VPS37B: variants seen among roughly 807,000 people sequenced by gnomAD.
VPS37B encodes the protein vacuolar protein sorting-associated protein 37B.
Under a neutral mutation model 21.2 loss-of-function variants are expected in VPS37B, and 11 were observed. The observed-to-expected ratio is 0.52, with a 90% CI of 0.33 to 0.86. The LOEUF is 0.86. Among genes scored for constraint, VPS37B ranks in the 40% least tolerant of loss-of-function variants. The probability of loss-of-function intolerance (pLI) is 0.03; values close to 1 mark genes in which losing one functional copy is unlikely to be tolerated. For synonymous variants in VPS37B, 175 were observed against 159.6 expected (o/e 1.10, Z -0.73); for missense variants, 389 against 374.8 (o/e 1.04, Z -0.31).
Position 122,881,807 on chromosome 12 carries a change from T to TA in VPS37B, c.112-10747dup, listed in dbSNP as rs1001682194. On this transcript the variant is annotated intron_variant, in intron 1 of 3. Coordinates refer to ENST00000267202, the MANE Select transcript of VPS37B (RefSeq NM_024667.3). ...GGTTCATTCCTATTTATACCTTTTT[T>TA]AAAAAAACCTTTTATAGAAGATACT... The TA allele has an allele frequency of 7.9e-5, 12 of 152,294 alleles. No individual in the cohort carries two copies. The East Asian group carries it at 1.7e-3, about 22-fold the overall frequency. The allele number at this position is 152,294 out of a possible 1,614,324, so 9.4% of individuals were successfully genotyped here. A position where few individuals can be genotyped will look rare whatever the true frequency, so the allele number is the denominator to read the frequency against.
At chr12:122,894,540 C>G (rs1212450529) in intron 1 of VPS37B, among the ~76,000 whole-genome samples, 2 of 152,224 alleles carry the variant, frequency 1.3e-5, no homozygotes, top group East Asian at 3.8e-4. Flanking sequence ...AGCCCCCACA[C>G]GGGCTCCTGG....
At chr12:122,890,823 T>C (rs528532686) in intron 1 of VPS37B, among the ~76,000 whole-genome samples, 18 of 152,200 alleles carry the variant, frequency 1.2e-4, no homozygotes, top group South Asian at 4.1e-4. Flanking sequence ...TCTTGTATTG[T>C]AGACATTTCT....
Position 122,871,117 on chromosome 12 carries a change from T to G in VPS37B, c.112-56A>C, listed in dbSNP as rs2034024667. ...AAAAGTATATCAGCTCCTAAACCCC[T>G]GAGGTCCCCACGCACACCCCAGGAG... On this transcript the variant is annotated intron_variant, in intron 1 of 3. Transcript: ENST00000267202. 3.8e-6 allele frequency: 6 copies of G among 1,592,396 alleles called. No homozygotes were observed. The East Asian group carries it at 1.3e-4, about 36-fold the overall frequency.
intron 1 of VPS37B, chr12:122,882,626 C>T (rs1319089852): frequency 1.3e-5 from 2 of 152,216 alleles, no homozygotes; most frequent in African/African-American, 2.4e-5. Flanking sequence ...GGCTGCCATA[C>T]ATTCAGCTAG....
At chr12:122,873,222 C>T (rs1051709860) in intron 1 of VPS37B, 2 of 152,230 alleles carry the variant, frequency 1.3e-5, no homozygotes, top group Admixed American at 6.5e-5. Flanking sequence ...TTGAATTTCA[C>T]CAGATGTTAC....
rs569111187 is a variant in VPS37B at position 122,865,430 on chromosome 12, C to T, written c.*1686G>A. 2.6e-4 allele frequency: 39 copies of T among 152,396 alleles called. No individual in the cohort carries two copies. The highest frequency in any genetic ancestry group is 9.4e-4 in the African/African-American group (39 of 41,594). 9.4% of individuals were successfully genotyped at this position (152,396 alleles called of 1,614,324 possible). A position where few individuals can be genotyped will look rare whatever the true frequency, so the allele number is the denominator to read the frequency against. Reference sequence around the variant, plus strand: ...CGACGGCGAGCCCGGCCAGGGGCCGCTTTGCAACTTCAATGCCAAGCTCAC... The same window carrying T: ...CGACGGCGAGCCCGGCCAGGGGCCGTTTTGCAACTTCAATGCCAAGCTCAC... On this transcript the variant is annotated 3_prime_UTR_variant, in exon 4 of 4. Coordinates refer to ENST00000267202, the MANE Select transcript of VPS37B (RefSeq NM_024667.3).
rs141404931 is a variant in VPS37B, at chr12:122,867,191, G to A, written c.783C>T (p.Ser261=). The change falls in exon 4 of 4, where the codon TCC becomes TCT. Residue 261 remains serine (S), a synonymous_variant. Coordinates refer to ENST00000267202, the MANE Select transcript of VPS37B (RefSeq NM_024667.3). The surrounding 1 kb of genome is among the most constrained non-coding windows in gnomAD (Gnocchi z 5.5). ...TQQGFSSQFV[S]PYPPPLPQRP... ...TCTGAGGGAGAGGTGGCGGATATGG[G>A]GACACGAACTGCGAAGAGAATCCTT... The A allele has an allele frequency of 2.3e-5, 36 of 1,569,382 alleles. No homozygotes were observed. Among genetic ancestry groups the A allele is most frequent in the Non-Finnish European group, 2.9e-5 (34 of 1,161,648 alleles).
chr12:122,883,222 T>G (rs1315734214), intron 1 of VPS37B: 1 of 152,180 alleles, frequency 6.6e-6, no homozygotes, highest in Non-Finnish European at 1.5e-5. Flanking sequence ...GACATCAAAA[T>G]CCTTCTTGAG....
At chr12:122,874,256 C>G (rs949794796) in intron 1 of VPS37B, 3 of 152,244 alleles carry the variant, frequency 2.0e-5, no homozygotes, top group African/African-American at 7.2e-5. Flanking sequence ...TCAGCCTCGG[C>G]TGTGCCTTAC....
At chr12:122,892,435 T>G (rs1350389108) in intron 1 of VPS37B, among the ~76,000 whole-genome samples, 1 of 151,144 alleles carries the variant, frequency 6.6e-6, no homozygotes, top group Non-Finnish European at 1.5e-5. Flanking sequence ...TTTTCCAGCC[T>G]CCACAAAATA....
intron 1 of VPS37B, among the ~76,000 whole-genome samples, chr12:122,890,621 C>T (rs2135712999): frequency 6.6e-6 from 1 of 152,274 alleles, no homozygotes; most frequent in African/African-American, 2.4e-5. Flanking sequence ...AGCCACTGCA[C>T]CCAGCCTGGC....
intron 1 of VPS37B, chr12:122,881,951 G>A (rs2034253379): frequency 6.6e-6 from 1 of 152,120 alleles, no homozygotes; most frequent in Non-Finnish European, 1.5e-5. Context: ...TTTAAAAGTA[G>A]TTTAAAGCAA....
intron 1 of VPS37B, among the ~76,000 whole-genome samples, chr12:122,890,332 C>T (rs961087889): frequency 2.0e-5 from 3 of 149,382 alleles, no homozygotes; most frequent in Non-Finnish European, 4.4e-5. Context: ...AGAATTCACA[C>T]GTGGCTTTTT....
At chr12:122,886,117 T>C (rs1319958315) in intron 1 of VPS37B, 1 of 152,240 alleles carries the variant, frequency 6.6e-6, no homozygotes, top group Non-Finnish European at 1.5e-5. Context: ...TCCTTATGAA[T>C]ATCAAGTGAC....
At chr12:122,870,854 CTCTT>C (rs2034013068) in intron 2 of VPS37B, 32 bp downstream of exon 2, 2 of 1,576,032 alleles carry the variant, frequency 1.3e-6, no homozygotes, top group Non-Finnish European at 1.7e-6. Context: ...CTTCTCTCAA[CTCTT>C]TATTCTCGAA....
At position 122,867,152 on chromosome 12, in the gene VPS37B, C is replaced by G; in HGVS notation, c.822G>C (p.Arg274=). 1 of 1,544,188 alleles carries G rather than the reference C, an allele frequency of 6.5e-7. No individual in the cohort carries two copies. Among genetic ancestry groups the G allele is most frequent in the Non-Finnish European group, 8.7e-7 (1 of 1,152,722 alleles). Reference sequence around the variant, plus strand: ...TGAAACCCGGCTGGTGTGGAGGGAGCCGGGGCGGGGGTCTCTGAGGGAGAG... The same window carrying G: ...TGAAACCCGGCTGGTGTGGAGGGAGGCGGGGCGGGGGTCTCTGAGGGAGAG... ...PPPLPQRPPP[R]LPPHQPGFIL... Residue 274 remains arginine, a synonymous_variant, in exon 4 of 4, where the codon CGG becomes CGC. Coordinates refer to ENST00000267202, the MANE Select transcript of VPS37B (RefSeq NM_024667.3). The surrounding 1 kb of genome is among the most constrained non-coding windows in gnomAD (Gnocchi z 5.5).
intron 1 of VPS37B, chr12:122,888,385 G>T: frequency 2.8e-6 from 1 of 354,692 alleles, no homozygotes; most frequent in Non-Finnish European, 5.7e-6. Flanking sequence ...CATTTCCAAT[G>T]ATGAAATCTG....
intron 1 of VPS37B, chr12:122,884,425 T>C (rs1485135532): frequency 6.6e-6 from 1 of 152,256 alleles, no homozygotes; most frequent in Non-Finnish European, 1.5e-5. Context: ...AAGCACTCAG[T>C]TGACAGTTTT....
At chr12:122,872,337 C>T (rs1313653093) in intron 1 of VPS37B, 4 of 985,334 alleles carry the variant, frequency 4.1e-6, no homozygotes, top group Non-Finnish European at 4.8e-6. Flanking sequence ...AGACAGTGAT[C>T]TGCATCTCCA....
Sources: gnomAD v4.1 joint callset for allele counts (sites outside exome capture counted in the v4.1 genomes callset) on GRCh38, gnomAD v4.1.1 for gene constraint, Gnocchi (gnomAD v3.1) non-coding constraint, MANE v1.5 for transcripts, NCBI Gene and HGNC (gene_info 2026-07-23, HGNC 2026-07-21) for gene names.